Variants in NXPE2 observed in about 807,000 individuals in gnomAD.
NXPE2 encodes the protein neurexophilin and PC-esterase domain family member 2, also known as NXPE family member 2.
In NXPE2, 34 loss-of-function variants were observed where a neutral mutation model predicts 34.4. The ratio of observed to expected loss-of-function variants is 0.99; its 90% CI spans 0.75 to 1.31. The LOEUF (loss-of-function observed/expected upper bound fraction) is 1.31. NXPE2 is among the 40% of genes most tolerant of loss of function. NXPE2 has a pLI of 0.00. For synonymous variants in NXPE2, 235 were observed against 231.3 expected (o/e 1.02, Z -0.15); for missense variants, 649 against 672.5 (o/e 0.97, Z 0.39).
chr11:114,603,686 T>C, the NXPE2 span, among the ~76,000 whole-genome samples: 1 of 151,622 alleles, frequency 6.6e-6, no homozygotes, highest in African/African-American at 2.4e-5. Context: ...TAACTCCTAT[T>C]ACCTGGGGGA....
the NXPE2 span, among the ~76,000 whole-genome samples, chr11:114,749,479 A>G: frequency 0.026 from 3,951 of 152,194 alleles, 174 homozygotes; most frequent in African/African-American, 0.09. Flanking sequence ...GCAATTTTGG[A>G]TGGAAAATTT....
chr11:114,613,156 T>C, the NXPE2 span, among the ~76,000 whole-genome samples: 2 of 151,532 alleles, frequency 1.3e-5, no homozygotes, highest in African/African-American at 2.4e-5. Flanking sequence ...ATAACGACTG[T>C]TACCCGATGG....
At chr11:114,551,304 A>C in the NXPE2 span, 52 of 1,362,216 alleles carry the variant, frequency 3.8e-5, no homozygotes, top group Non-Finnish European at 5.0e-5. Flanking sequence ...TGCCTCCAAC[A>C]TTTTGTTCTC....
chr11:114,756,145 C>A, the NXPE2 span, among the ~76,000 whole-genome samples: 1 of 152,098 alleles, frequency 6.6e-6, no homozygotes, highest in Non-Finnish European at 1.5e-5. Flanking sequence ...AAGTGGTTTT[C>A]TCCTACTCTG....
At chr11:114,574,416 G>T in the NXPE2 span, among the ~76,000 whole-genome samples, 1 of 152,010 alleles carries the variant, frequency 6.6e-6, no homozygotes, top group East Asian at 1.9e-4. Context: ...GAAACAAAAA[G>T]CTGGTTCTTT....
the NXPE2 span, among the ~76,000 whole-genome samples, chr11:114,662,192 T>C: frequency 6.6e-6 from 1 of 151,940 alleles, no homozygotes; most frequent in Non-Finnish European, 1.5e-5. Context: ...ACCCCCAGCA[T>C]TGGTGACATA....
chr11:114,637,019 G>T, the NXPE2 span, among the ~76,000 whole-genome samples: 1 of 152,206 alleles, frequency 6.6e-6, no homozygotes, highest in East Asian at 1.9e-4. Flanking sequence ...GGGTATCGTT[G>T]TTGACTTTCT....
chr11:114,536,361 C>G, the NXPE2 span, among the ~76,000 whole-genome samples: 1 of 152,050 alleles, frequency 6.6e-6, no homozygotes, highest in Non-Finnish European at 1.5e-5. Context: ...CCTAACATCA[C>G]AATTAAAAGA....
At chr11:114,789,861 C>T in the NXPE2 span, among the ~76,000 whole-genome samples, 3 of 152,192 alleles carry the variant, frequency 2.0e-5, no homozygotes, top group Admixed American at 1.3e-4. Flanking sequence ...CTGGGTCAAG[C>T]CCTCAAAAGC....
the NXPE2 span, among the ~76,000 whole-genome samples, chr11:114,532,238 C>G: frequency 5.3e-5 from 8 of 152,270 alleles, no homozygotes; most frequent in East Asian, 1.5e-3. Flanking sequence ...AAAAGATGAA[C>G]AGAACCCACA....
At chr11:114,524,543 A>G in the NXPE2 span, among the ~76,000 whole-genome samples, 1 of 152,178 alleles carries the variant, frequency 6.6e-6, no homozygotes. Flanking sequence ...GTATAATCCT[A>G]TAATTATGTT....
At position 114,698,084 on chromosome 11, in the gene NXPE2, G is replaced by A; in HGVS notation, c.172G>A (p.Gly58Arg). 6.3e-7 allele frequency: 1 copy of A among 1,595,754 alleles called. No individual in the cohort carries two copies. The highest frequency in any genetic ancestry group is 8.5e-7 in the Non-Finnish European group (1 of 1,169,926). ...NLENHIILNQ[G>R]NIFKKYSHSE... Reference sequence around the variant, plus strand: ...GGAAAACCATATTATCCTGAACCAAGGGAACATCTTCAAAAAATATTCACA... The same window carrying A: ...GGAAAACCATATTATCCTGAACCAAAGGAACATCTTCAAAAAATATTCACA... Residue 58 changes from glycine to arginine, a missense_variant, in exon 3 of 6, where the codon GGG becomes AGG. Physicochemically the swap from Gly to Arg is moderately radical, Grantham distance 125. Transcript: ENST00000389586.
At chr11:114,514,679 A>C in the NXPE2 span, among the ~76,000 whole-genome samples, 122 of 152,210 alleles carry the variant, frequency 8.0e-4, no homozygotes, top group African/African-American at 2.7e-3. Flanking sequence ...CTGAACCACC[A>C]TGTCCAGCTG....
the NXPE2 span, among the ~76,000 whole-genome samples, chr11:114,500,696 T>A: frequency 6.6e-6 from 1 of 152,150 alleles, no homozygotes; most frequent in East Asian, 1.9e-4. Context: ...ACCTAAATAT[T>A]GTAAATTTGT....
At chr11:114,537,877 A>G in the NXPE2 span, among the ~76,000 whole-genome samples, 8 of 152,144 alleles carry the variant, frequency 5.3e-5, no homozygotes, top group East Asian at 1.4e-3. Flanking sequence ...TATAGATTCA[A>G]TGCCATCCCC....
chr11:114,709,848 G>C (rs1859577455), downstream of NXPE2, among the ~76,000 whole-genome samples: 1 of 150,132 alleles, frequency 6.7e-6, no homozygotes. Context: ...GTTGCAGTGA[G>C]CCAAGATCAT....
At chr11:114,506,649 A>T in the NXPE2 span, among the ~76,000 whole-genome samples, 1 of 152,220 alleles carries the variant, frequency 6.6e-6, no homozygotes, top group African/African-American at 2.4e-5. Flanking sequence ...AAATAATGAA[A>T]TTAAGGCAGA....
chr11:114,692,497 C>T (rs1426005553), intron 2 of NXPE2, among the ~76,000 whole-genome samples: 1 of 152,158 alleles, frequency 6.6e-6, no homozygotes, highest in African/African-American at 2.4e-5. Flanking sequence ...GTGTGGGTTC[C>T]CTTTCTGGAG....
the NXPE2 span, among the ~76,000 whole-genome samples, chr11:114,763,430 C>G: frequency 1.3e-5 from 2 of 151,932 alleles, no homozygotes; most frequent in East Asian, 1.9e-4. Flanking sequence ...TTTTATCTAG[C>G]CTGTGCAGCC....
Sources: allele counts gnomAD v4.1 joint callset (sites outside exome capture counted in the v4.1 genomes callset), GRCh38; gene constraint gnomAD v4.1.1; transcripts MANE v1.5; gene names NCBI Gene and HGNC (gene_info 2026-07-23, HGNC 2026-07-21).